The following GPR149 variants were observed in gnomAD, a reference collection of about 807,000 sequenced individuals.
GPR149 encodes probable G protein-coupled receptor 149.
GPR149 carries 50 observed loss-of-function variants against 50.2 expected under a neutral mutation model. The observed-to-expected ratio is 1.00, with a 90% CI of 0.79 to 1.26. GPR149 has a LOEUF of 1.26. Ranked by LOEUF, GPR149 falls within the 50% of genes most tolerant of loss-of-function variation. The pLI, the probability that GPR149 is intolerant of heterozygous loss-of-function variation, is 0.00. For missense variants in GPR149, 983 were observed against 895.4 expected (o/e 1.10, Z -1.25); for synonymous variants, 405 against 358.2 (o/e 1.13, Z -1.48).
Position 154,428,720 on chromosome 3 carries a change from G to A in GPR149, c.896C>T (p.Thr299Ile). ...RRENRGTLYG[T>I]RSFTVSVAQK... The stretch of plus-strand genomic sequence containing the variant: ...CGCTACGCTCACGGTGAAGCTCCTG[G>A]TGCCATAGAGAGTCCCCCGGTTCTC... The change falls in exon 1 of 4, where the codon ACC (threonine) becomes ATC (isoleucine). Residue 299 changes from threonine (T) to isoleucine (I), a missense_variant. Physicochemically the swap from Thr to Ile is moderately conservative, Grantham distance 89. Transcript: ENST00000389740. 1 of 1,614,130 alleles carries A rather than the reference G, an allele frequency of 6.2e-7. No individual in the cohort carries two copies.
In GPR149 at chr3:154,388,635, C is replaced by T. The variant is rs866797445; in HGVS notation, c.1623+32404G>A. On this transcript the variant is annotated intron_variant, in intron 3 of 3. Coordinates refer to ENST00000389740, the MANE Select transcript of GPR149 (RefSeq NM_001038705.3). Reference sequence around the variant, plus strand: ...TTCCCAGCAATGCCTGTGGAGCTGACAGGCAGGAACAGAGGCAGGCAGGCT... The same window carrying T: ...TTCCCAGCAATGCCTGTGGAGCTGATAGGCAGGAACAGAGGCAGGCAGGCT... Among the ~76,000 whole-genome samples the T allele has an allele frequency of 1.2e-4, 18 of 152,242 alleles. No homozygotes were observed. In the Middle Eastern group the frequency reaches 0.01, roughly 87 times the overall value.
chr3:154,353,627 C>G (rs1199768242), intron 3 of GPR149: 12 of 1,345,072 alleles, frequency 8.9e-6, no homozygotes, highest in Middle Eastern at 3.7e-4. Flanking sequence ...TGCTGAGTTT[C>G]CTAGTTTTAT....
intron 3 of GPR149, among the ~76,000 whole-genome samples, chr3:154,399,629 T>C (rs1715374614): frequency 6.6e-6 from 1 of 152,228 alleles, no homozygotes; most frequent in South Asian, 2.1e-4. Flanking sequence ...CTCAGCGTTT[T>C]CAGGCCTGTT....
intron 3 of GPR149, among the ~76,000 whole-genome samples, chr3:154,379,827 A>G (rs1714874528): frequency 6.6e-6 from 1 of 152,120 alleles, no homozygotes. Context: ...GAACTGTCAT[A>G]ATTACTGTGT....
chr3:154,428,524 G>T, intron 1 of GPR149, 111 bp downstream of exon 1: 1 of 1,195,196 alleles, frequency 8.4e-7, no homozygotes, highest in Non-Finnish European at 1.2e-6. Flanking sequence ...CTTGGAAGCG[G>T]ACTTCACTGT....
At chr3:154,352,254 C>T in intron 3 of GPR149, 1 of 849,420 alleles carries the variant, frequency 1.2e-6, no homozygotes, top group South Asian at 1.6e-5. Context: ...ACCTGATAGG[C>T]CACCAGATGG....
intron 2 of GPR149, 72 bp from the exon 3 acceptor site, chr3:154,421,559 A>G: frequency 1.4e-6 from 1 of 700,386 alleles, no homozygotes. Flanking sequence ...TATATAGCAA[A>G]TAAAAATAGA....
At chr3:154,404,863 A>ATCG (rs1711639445) in intron 3 of GPR149, among the ~76,000 whole-genome samples, 1 of 51,462 alleles carries the variant, frequency 1.9e-5, no homozygotes, top group Non-Finnish European at 4.5e-5. Context: ...AGCTATCATC[A>ATCG]TCATCATCAT....
intron 3 of GPR149, among the ~76,000 whole-genome samples, chr3:154,341,334 T>TATATATATAA (rs1713795649): frequency 2.0e-5 from 2 of 101,444 alleles, no homozygotes; most frequent in African/African-American, 7.1e-5. Flanking sequence ...TATATATATA[T>TATATATATAA]ATATATAAAA....
intron 3 of GPR149, among the ~76,000 whole-genome samples, chr3:154,413,727 A>G (rs1304360353): frequency 6.6e-6 from 1 of 152,030 alleles, no homozygotes. Context: ...TAGTACAACC[A>G]CTATAGAAAA....
At position 154,429,720 on chromosome 3, in the gene GPR149, C is replaced by T; in HGVS notation, c.-105G>A. 3.0e-6 allele frequency: 3 copies of T among 987,556 alleles called. No individual in the cohort carries two copies. Among genetic ancestry groups the T allele is most frequent in the Non-Finnish European group, 3.1e-6 (2 of 655,592 alleles). The allele number at this position is 987,556 out of a possible 1,614,324, so 61.2% of individuals were successfully genotyped here. A position where few individuals can be genotyped will look rare whatever the true frequency, so the allele number is the denominator to read the frequency against. ...GATTTCATTCCTCCTACCAAGTTCC[C>T]CTCTAGATGTTCTCCTTGTCAGTCC... is the stretch of plus-strand genomic sequence containing the variant. On this transcript the variant is annotated 5_prime_UTR_variant, in exon 1 of 4. Transcript: ENST00000389740.
intron 3 of GPR149, among the ~76,000 whole-genome samples, chr3:154,340,118 C>T (rs1206873563): frequency 6.6e-6 from 1 of 152,004 alleles, no homozygotes; most frequent in Non-Finnish European, 1.5e-5. Context: ...AATTGAGAGA[C>T]TAGAAAAAAA....
chr3:154,378,724 T>C (rs952673217), intron 3 of GPR149, among the ~76,000 whole-genome samples: 10 of 152,216 alleles, frequency 6.6e-5, no homozygotes, highest in African/African-American at 2.4e-4. Context: ...TCACCAACAC[T>C]TATTGCTGTA....
chr3:154,341,411 A>G (rs1352384683), intron 3 of GPR149, among the ~76,000 whole-genome samples: 1 of 146,906 alleles, frequency 6.8e-6, no homozygotes, highest in African/African-American at 2.5e-5. Context: ...ATTCTAAAGA[A>G]GTAATCTAAA....
rs1491446132 is a variant in GPR149 at position 154,378,088 on chromosome 3, C to CCT, written c.1624-39818_1624-39817insAG. On this transcript the variant is annotated intron_variant, in intron 3 of 3. Transcript: ENST00000389740. The stretch of plus-strand genomic sequence containing the variant: ...CATTATATTGATATATCCCCCCCCC[C>CCT]TTTTTTTTTTTTTGAGATGGAGTCC... Among the ~76,000 whole-genome samples the CCT allele has an allele frequency of 2.6e-4, 15 of 57,320 alleles. 1 individual carries two copies. The highest frequency in any genetic ancestry group is 6.1e-4 in the East Asian group (2 of 3,276). 37.6% of individuals were successfully genotyped at this position (57,320 alleles called of 152,430 possible).
intron 2 of GPR149, among the ~76,000 whole-genome samples, chr3:154,423,836 AATT>A (rs1005494668): frequency 6.6e-6 from 1 of 151,724 alleles, no homozygotes; most frequent in African/African-American, 2.4e-5. Flanking sequence ...AGGTAACATT[AATT>A]ATTATTATTA....
At chr3:154,358,181 C>T (rs1418671493) in intron 3 of GPR149, among the ~76,000 whole-genome samples, 1 of 152,004 alleles carries the variant, frequency 6.6e-6, no homozygotes, top group Non-Finnish European at 1.5e-5. Context: ...AGGATATATA[C>T]CTAATGTTAA....
intron 3 of GPR149, among the ~76,000 whole-genome samples, chr3:154,355,592 T>C (rs1714200596): frequency 6.6e-6 from 1 of 152,220 alleles, no homozygotes; most frequent in African/African-American, 2.4e-5. Flanking sequence ...TTTTATCCTT[T>C]ATTTCTGTTT....
intron 3 of GPR149, among the ~76,000 whole-genome samples, chr3:154,413,350 G>A (rs1278234534): frequency 6.6e-6 from 1 of 151,880 alleles, no homozygotes; most frequent in Non-Finnish European, 1.5e-5. Context: ...GAAATAATCA[G>A]CAGAGTTAAC....
Sources: allele counts gnomAD v4.1 joint callset (sites outside exome capture counted in the v4.1 genomes callset), GRCh38; gene constraint gnomAD v4.1.1; transcripts MANE v1.5; gene names NCBI Gene and HGNC (gene_info 2026-07-23, HGNC 2026-07-21).